The following IGF2BP1 variants were observed in gnomAD, a reference collection of about 807,000 sequenced individuals.
IGF2BP1 encodes the protein insulin like growth factor 2 mRNA binding protein 1.
A neutral mutation model predicts 74.9 loss-of-function variants in IGF2BP1; 11 were observed. That is an observed-to-expected ratio of 0.15 (90% CI 0.09 to 0.24). IGF2BP1 has a LOEUF of 0.24. Among genes scored for constraint, IGF2BP1 ranks in the 10% least tolerant of loss-of-function variants. The pLI is 1.00. For missense variants in IGF2BP1, 440 were observed against 757.4 expected (o/e 0.58, Z 4.92); for synonymous variants, 287 against 281.8 (o/e 1.02, Z -0.18).
At chr17:49,031,332 A>G (rs988814271) in intron 4 of IGF2BP1, among the ~76,000 whole-genome samples, 3 of 151,266 alleles carry the variant, frequency 2.0e-5, no homozygotes, top group African/African-American at 7.3e-5. Context: ...TGGTCTCCCA[A>G]GCTCAAATGA....
intron 2 of IGF2BP1, among the ~76,000 whole-genome samples, chr17:49,002,484 G>A (rs1449068445): frequency 2.6e-5 from 4 of 152,002 alleles, no homozygotes; most frequent in African/African-American, 9.7e-5. Flanking sequence ...GAATGAAGAG[G>A]GGTTAAAAAG....
In IGF2BP1 at chr17:49,056,069, A is replaced by T. The variant is rs1364983374; in HGVS notation, c.*6625A>T. On this transcript the variant is annotated 3_prime_UTR_variant, in exon 15 of 15. Transcript: ENST00000290341. ...GAACACTCCAGTTTTCTTTCCCGTG[A>T]AGGTTGTTTCAGCCACAAACCACTT... Among the ~76,000 whole-genome samples, 1 of 151,852 alleles carries T rather than the reference A, an allele frequency of 6.6e-6. No homozygotes were observed. Among genetic ancestry groups the T allele is most frequent in the African/African-American group, 2.4e-5 (1 of 41,280 alleles).
Position 48,999,190 on chromosome 17 carries a change from G to T in IGF2BP1, c.236+21G>T, listed in dbSNP as rs199502590. The T allele has an allele frequency of 1.1e-4, 83 of 760,794 alleles. 7 individuals carry two copies. Among genetic ancestry groups the T allele is most frequent in the African/African-American group, 2.6e-4 (14 of 53,722 alleles). The allele number at this position is 760,794 out of a possible 1,614,324, so 47.1% of individuals were successfully genotyped here. On this transcript the variant is annotated intron_variant, in intron 2 of 14. Coordinates refer to ENST00000290341, the MANE Select transcript of IGF2BP1 (RefSeq NM_006546.4). ...CAAAGGTAGGAAAGAGCTCTTTTCG[G>T]GGGGGGTGGGGGGGCCGCGGGGGTG...
intron 1 of IGF2BP1, among the ~76,000 whole-genome samples, chr17:48,998,553 G>A (rs4794017): frequency 0.46 from 69,551 of 151,944 alleles, 18,720 homozygotes; most frequent in African/African-American, 0.74. Flanking sequence ...CCGAGACGCC[G>A]AGGCTGGGCC....
chr17:49,015,620 A>C (rs1311279516), intron 2 of IGF2BP1, among the ~76,000 whole-genome samples: 2 of 152,046 alleles, frequency 1.3e-5, no homozygotes, highest in Admixed American at 6.6e-5. Flanking sequence ...CCACTTCCTC[A>C]GTCTACCCCA....
chr17:48,997,024 G>A (rs904150835), upstream of IGF2BP1, among the ~76,000 whole-genome samples: 1 of 152,130 alleles, frequency 6.6e-6, no homozygotes, highest in Non-Finnish European at 1.5e-5. This position sits in a 1 kb window ranked among gnomAD's most constrained non-coding sequence, Gnocchi z 4.8. Flanking sequence ...GGGGAGGGGT[G>A]AGCAACCCCG....
At chr17:49,013,685 G>GC (rs1230467747) in intron 2 of IGF2BP1, 1 of 152,494 alleles carries the variant, frequency 6.6e-6, no homozygotes, top group East Asian at 1.9e-4. Context: ...GCGGGAGACT[G>GC]CCCCTCGCCG....
intron 2 of IGF2BP1, among the ~76,000 whole-genome samples, chr17:49,023,921 T>C (rs1167486784): frequency 3.0e-5 from 4 of 133,280 alleles, no homozygotes; most frequent in African/African-American, 1.1e-4. Flanking sequence ...GAAAACTACC[T>C]TTTTTTTTTT....
chr17:48,999,565 T>C (rs1437048046), intron 2 of IGF2BP1, among the ~76,000 whole-genome samples: 1 of 151,934 alleles, frequency 6.6e-6, no homozygotes, highest in Non-Finnish European at 1.5e-5. Context: ...ATTTTCTGTT[T>C]TTCCCACTCT....
In IGF2BP1 at chr17:49,049,401, A is replaced by G. The variant is rs955603212; in HGVS notation, c.1691A>G (p.His564Arg). 9.9e-6 allele frequency: 16 copies of G among 1,614,086 alleles called. No individual in the cohort carries two copies. In the Admixed American group the frequency reaches 1.7e-4, roughly 17 times the overall value. ...RDILAQVKQQ[H>R]QKGQSNQAQA... ...ATCCTGGCCCAGGTTAAGCAGCAGC[A>G]TCAGAAGGGACAGAGTAACCAGGCC... The change falls in exon 15 of 15, where the codon CAT (histidine) becomes CGT (arginine). Residue 564 changes from histidine to arginine, a missense_variant. Around this residue, in one of 5 missense-constraint regions of IGF2BP1, gnomAD observed 117 missense variants for 237.2 expected, o/e 0.49. Coordinates refer to ENST00000290341, the MANE Select transcript of IGF2BP1 (RefSeq NM_006546.4).
intron 4 of IGF2BP1, among the ~76,000 whole-genome samples, chr17:49,030,167 A>T (rs1186702223): frequency 7.3e-6 from 1 of 137,716 alleles, no homozygotes; most frequent in Non-Finnish European, 1.5e-5. Flanking sequence ...TTTGAGATAG[A>T]GTCTCGCTTT....
In IGF2BP1 at chr17:48,997,687, C is replaced by T; in HGVS notation, c.-59C>T. On this transcript the variant is annotated 5_prime_UTR_variant, in exon 1 of 15. Coordinates refer to ENST00000290341, the MANE Select transcript of IGF2BP1 (RefSeq NM_006546.4). This position sits in a 1 kb window ranked among gnomAD's most constrained non-coding sequence, Gnocchi z 4.8. ...CCGCCTCTTGGCCTAGGAGGCTCGC[C>T]GCCCGCGCCCGCTCGTTCGGCCTTG... 1 of 1,569,410 alleles carries T rather than the reference C, an allele frequency of 6.4e-7. No homozygotes were observed. The highest frequency in any genetic ancestry group is 8.7e-7 in the Non-Finnish European group (1 of 1,153,978).
chr17:49,030,087 C>T (rs919529666), intron 4 of IGF2BP1, among the ~76,000 whole-genome samples: 1 of 149,848 alleles, frequency 6.7e-6, no homozygotes, highest in Non-Finnish European at 1.5e-5. Context: ...CATGCAAATT[C>T]TTTTTTTTCT....
At chr17:49,000,369 G>C (rs1403285815) in intron 2 of IGF2BP1, among the ~76,000 whole-genome samples, 7 of 152,172 alleles carry the variant, frequency 4.6e-5, no homozygotes, top group Admixed American at 4.6e-4. Context: ...TGCTTAGCTT[G>C]ATATTTAAGT....
At chr17:49,017,311 C>T (rs1338661570) in intron 2 of IGF2BP1, among the ~76,000 whole-genome samples, 2 of 152,172 alleles carry the variant, frequency 1.3e-5, no homozygotes, top group Non-Finnish European at 2.9e-5. Context: ...AACCAGGTCC[C>T]CTGCTGGACT....
chr17:49,010,504 G>A (rs886803062), intron 2 of IGF2BP1, among the ~76,000 whole-genome samples: 3 of 151,792 alleles, frequency 2.0e-5, no homozygotes, highest in Non-Finnish European at 4.4e-5. Context: ...TTTTAGTAGA[G>A]ACGGGGTTTC....
Position 49,045,943 on chromosome 17 carries a change from G to A in IGF2BP1, c.1449G>A (p.Lys483=). ...KLKEENFFGP[K]EEVKLETHIR... is the part of the protein sequence containing the mutation. ...AGGAGGAGAACTTCTTTGGTCCCAA[G>A]GAGGAAGTGAAGCTGGAGACCCACA... is the stretch of plus-strand genomic sequence containing the variant. The change falls in exon 13 of 15, where the codon AAG becomes AAA. Residue 483 remains lysine, a synonymous_variant. Coordinates refer to ENST00000290341, the MANE Select transcript of IGF2BP1 (RefSeq NM_006546.4). 6.2e-7 allele frequency: 1 copy of A among 1,614,178 alleles called. No individual in the cohort carries two copies. Among genetic ancestry groups the A allele is most frequent in the Non-Finnish European group, 8.5e-7 (1 of 1,180,002 alleles).
intron 10 of IGF2BP1, 59 bp from the exon 11 acceptor site, chr17:49,043,908 G>C: frequency 6.3e-7 from 1 of 1,593,774 alleles, no homozygotes; most frequent in Non-Finnish European, 8.5e-7. Context: ...CAGGGGAGTG[G>C]AGGGTTTCTG....
At chr17:49,004,512 T>C (rs2143930585) in intron 2 of IGF2BP1, 1 of 152,328 alleles carries the variant, frequency 6.6e-6, no homozygotes, top group South Asian at 2.1e-4. Context: ...GCTGGGGTCT[T>C]GGCCTGAGAA....
Sources: gnomAD v4.1 joint callset for allele counts (sites outside exome capture counted in the v4.1 genomes callset) on GRCh38, gnomAD v4.1.1 for gene constraint, gnomAD v4.1.1 regional missense constraint, Gnocchi (gnomAD v3.1) non-coding constraint, MANE v1.5 for transcripts, NCBI Gene and HGNC (gene_info 2026-07-23, HGNC 2026-07-21) for gene names.